NKAIN3: variants seen among roughly 807,000 people sequenced by gnomAD.
NKAIN3 encodes sodium/potassium-transporting ATPase subunit beta-1-interacting protein 3.
A neutral mutation model predicts 30.2 loss-of-function variants in NKAIN3; 25 were observed. That is an observed-to-expected ratio of 0.83 (90% CI 0.60 to 1.16). The LOEUF is 1.16. Among genes scored for constraint, NKAIN3 ranks in the 50% most tolerant of loss-of-function variants. NKAIN3 has a pLI of 0.00. For synonymous variants in NKAIN3, 91 were observed against 89.6 expected (o/e 1.02, Z -0.09); for missense variants, 225 against 254.1 (o/e 0.89, Z 0.78).
intron 3 of NKAIN3, among the ~76,000 whole-genome samples, chr8:62,646,523 C>G (rs114495515): frequency 0.012 from 1,882 of 152,160 alleles, 42 homozygotes; most frequent in East Asian, 0.058. Context: ...ACATAAAACT[C>G]AAATGTAAAA....
intron 4 of NKAIN3, among the ~76,000 whole-genome samples, chr8:62,886,757 A>G (rs1305270906): frequency 6.6e-6 from 1 of 152,052 alleles, no homozygotes. Context: ...CCATCAACCT[A>G]TCATCTAGGT....
chr8:62,278,727 C>T (rs761929088), intron 1 of NKAIN3, among the ~76,000 whole-genome samples: 14 of 152,232 alleles, frequency 9.2e-5, no homozygotes, highest in Middle Eastern at 3.4e-3. Flanking sequence ...TTTATGGGTG[C>T]GTAGTATTCC....
At chr8:62,695,283 C>A (rs1026387636) in intron 3 of NKAIN3, among the ~76,000 whole-genome samples, 2 of 152,164 alleles carry the variant, frequency 1.3e-5, no homozygotes, top group African/African-American at 2.4e-5. Context: ...TAACACAGTA[C>A]ATGACATCAG....
At chr8:62,561,388 C>G (rs1030764779) in intron 1 of NKAIN3, among the ~76,000 whole-genome samples, 2 of 152,150 alleles carry the variant, frequency 1.3e-5, no homozygotes, top group African/African-American at 4.8e-5. Context: ...GAAGTCTTCT[C>G]TGTATTTTGT....
At chr8:62,415,699 ACTT>A (rs369305442) in intron 1 of NKAIN3, among the ~76,000 whole-genome samples, 23 of 151,314 alleles carry the variant, frequency 1.5e-4, no homozygotes, top group African/African-American at 5.1e-4. Flanking sequence ...TATAGAAACT[ACTT>A]CTTCCTTTTG....
chr8:62,666,253 ACTC>A lies in NKAIN3; in HGVS notation c.273+76462_273+76464del, dbSNP rs911654563. ...TTAATTAATTCATTCATTCATTAGA[ACTC>A]CTGTGCTTGTATAAGTTCTGTAACC... On this transcript the variant is annotated intron_variant, in intron 3 of 6. Coordinates refer to ENST00000623646, the MANE Select transcript of NKAIN3 (RefSeq NM_001304533.3). Among the ~76,000 whole-genome samples, 119 of 152,068 alleles carry A rather than the reference ACTC, an allele frequency of 7.8e-4. 1 individual carries two copies. The highest frequency in any genetic ancestry group is 3.4e-3 in the Middle Eastern group (1 of 294).
chr8:62,815,953 A>T (rs973302743), intron 4 of NKAIN3, among the ~76,000 whole-genome samples: 1 of 152,048 alleles, frequency 6.6e-6, no homozygotes, highest in Non-Finnish European at 1.5e-5. Context: ...GATTTTGTTG[A>T]ATTATCTATC....
intron 1 of NKAIN3, among the ~76,000 whole-genome samples, chr8:62,381,250 T>G (rs1198790561): frequency 6.6e-6 from 1 of 152,146 alleles, no homozygotes; most frequent in Non-Finnish European, 1.5e-5. Context: ...TTTTACCTGT[T>G]TTTTCTTTGT....
chr8:62,516,008 T>A (rs1332205321), intron 1 of NKAIN3, among the ~76,000 whole-genome samples: 2 of 152,146 alleles, frequency 1.3e-5, no homozygotes, highest in Non-Finnish European at 2.9e-5. Context: ...TCTGTCAACT[T>A]TGTCTAAGGT....
At chr8:62,309,204 TTA>T (rs1814350457) in intron 1 of NKAIN3, among the ~76,000 whole-genome samples, 2 of 150,694 alleles carry the variant, frequency 1.3e-5, no homozygotes, top group Non-Finnish European at 2.9e-5. Context: ...TGTACACCTG[TTA>T]TATGTCCAAA....
At chr8:62,319,266 T>C (rs1410364534) in intron 1 of NKAIN3, among the ~76,000 whole-genome samples, 1 of 152,184 alleles carries the variant, frequency 6.6e-6, no homozygotes, top group African/African-American at 2.4e-5. Flanking sequence ...ATTTTGTTGA[T>C]CTTTTCAAAA....
At chr8:62,334,031 C>G (rs1240413048) in intron 1 of NKAIN3, among the ~76,000 whole-genome samples, 7 of 152,126 alleles carry the variant, frequency 4.6e-5, no homozygotes, top group Non-Finnish European at 2.9e-5. Flanking sequence ...TATGGAGAAG[C>G]AGCTGAAATA....
chr8:62,497,432 AT>A lies in NKAIN3; in HGVS notation c.55-82096del, dbSNP rs5891858. On this transcript the variant is annotated intron_variant, in intron 1 of 6. Coordinates refer to ENST00000623646, the MANE Select transcript of NKAIN3 (RefSeq NM_001304533.3). ...GGACGGTGATTTCTAAGTATAACCTATTTTTTTTTTTATCAAGCCCATAGCA... is the reference window on the plus strand; with the variant it reads ...GGACGGTGATTTCTAAGTATAACCTATTTTTTTTTTATCAAGCCCATAGCA... 1.5e-3 allele frequency among the ~76,000 whole-genome samples: 230 copies of A among 149,010 alleles called. 1 individual carries two copies. Among genetic ancestry groups the A allele is most frequent in the East Asian group, 3.2e-3 (16 of 5,038 alleles).
At chr8:62,592,278 C>T (rs1235876201) in intron 3 of NKAIN3, among the ~76,000 whole-genome samples, 1 of 151,994 alleles carries the variant, frequency 6.6e-6, no homozygotes, top group Non-Finnish European at 1.5e-5. Flanking sequence ...GGCAGGAAAG[C>T]CTGGAAACTG....
chr8:62,388,277 TTA>T (rs1817487026), intron 1 of NKAIN3, among the ~76,000 whole-genome samples: 1 of 152,256 alleles, frequency 6.6e-6, no homozygotes, highest in African/African-American at 2.4e-5. Context: ...CTGTTTCAGA[TTA>T]TGTTTATATC....
intron 1 of NKAIN3, among the ~76,000 whole-genome samples, chr8:62,541,571 TATTAA>T (rs1808842117): frequency 6.6e-6 from 1 of 152,160 alleles, no homozygotes; most frequent in East Asian, 1.9e-4. Flanking sequence ...TGAGAAGGTC[TATTAA>T]ATTATTGTGT....
At position 62,794,491 on chromosome 8, in the gene NKAIN3, A is replaced by AC. The variant is rs555813969; in HGVS notation, c.471+47369dup. Among the ~76,000 whole-genome samples, 176 of 151,072 alleles carry AC rather than the reference A, an allele frequency of 1.2e-3. 2 individuals are homozygous for AC. Among genetic ancestry groups the AC allele is most frequent in the African/African-American group, 3.9e-3 (159 of 41,134 alleles). On this transcript the variant is annotated intron_variant, in intron 4 of 6. Coordinates refer to ENST00000623646, the MANE Select transcript of NKAIN3 (RefSeq NM_001304533.3). Reference sequence around the variant, plus strand: ...GCGGCTCTCTGGAAAATCTATACCCACCCCCCCACCAAATCTACATAAAAT... The same window carrying AC: ...GCGGCTCTCTGGAAAATCTATACCCACCCCCCCCACCAAATCTACATAAAAT...
rs1226479359 is a variant in NKAIN3 at position 62,407,377 on chromosome 8, A to G, written c.54+158250A>G. 4.2e-5 allele frequency among the ~76,000 whole-genome samples: 6 copies of G among 143,756 alleles called. No homozygotes were observed. The East Asian group carries it at 1.2e-3, about 30-fold the overall frequency. The allele number at this position is 143,756 out of a possible 152,430, so 94.3% of individuals were successfully genotyped here. A position where few individuals can be genotyped will look rare whatever the true frequency, so the allele number is the denominator to read the frequency against. ...AAAAAATTAACATTGCATTGAATTT[A>G]TTATCTGACAAGACTAGATAGTTGT... On this transcript the variant is annotated intron_variant, in intron 1 of 6. Transcript: ENST00000623646.
chr8:62,249,517 C>T (rs1812021730), intron 1 of NKAIN3, among the ~76,000 whole-genome samples: 1 of 152,250 alleles, frequency 6.6e-6, no homozygotes, highest in African/African-American at 2.4e-5. Flanking sequence ...GCTCTTTCTT[C>T]TTAGGATGAT....
Sources: gnomAD v4.1 joint callset for allele counts (sites outside exome capture counted in the v4.1 genomes callset) on GRCh38, gnomAD v4.1.1 for gene constraint, MANE v1.5 for transcripts, NCBI Gene and HGNC (gene_info 2026-07-23, HGNC 2026-07-21) for gene names.